Variants in TAS1R1 observed in about 807,000 individuals in gnomAD.
The protein encoded by TAS1R1 is taste receptor type 1 member 1.
In TAS1R1, 31 loss-of-function variants were observed where a neutral mutation model predicts 45.8. The ratio of observed to expected loss-of-function variants is 0.68; its 90% CI spans 0.51 to 0.91. The LOEUF (loss-of-function observed/expected upper bound fraction) is 0.91, where lower values mean the gene tolerates loss of function less well. Among genes scored for constraint, TAS1R1 ranks in the 40% least tolerant of loss-of-function variants. TAS1R1 has a pLI of 0.00. For missense variants in TAS1R1, 1,051 were observed against 1,063.9 expected (o/e 0.99, Z 0.17); for synonymous variants, 437 against 448.4 (o/e 0.97, Z 0.32).
chr1:6,559,196 A>G (rs1639738847), intron 1 of TAS1R1, among the ~76,000 whole-genome samples: 1 of 151,022 alleles, frequency 6.6e-6, no homozygotes, highest in Non-Finnish European at 1.5e-5. Context: ...CCCGGCCCCA[A>G]TTTTTGTACT....
In TAS1R1 at chr1:6,576,421, G is replaced by A. The variant is rs1318568074; in HGVS notation, c.1267G>A (p.Glu423Lys). 2 of 1,614,160 alleles carry A rather than the reference G, an allele frequency of 1.2e-6. No homozygotes were observed. Among genetic ancestry groups the A allele is most frequent in the Admixed American group, 3.3e-5 (2 of 60,014 alleles). Residue 423 changes from glutamate to lysine, a missense_variant, in exon 4 of 6, where the codon GAG (glutamate) becomes AAG (lysine). Physicochemically the swap from Glu to Lys is moderately conservative, Grantham distance 56 (BLOSUM62 1). Transcript: ENST00000333172. ...RGRVYPWQLL[E>K]QIHKVHFLLH... ...TGATACGCGTTTCTTTCAGCTTTTG[G>A]AGCAGATCCACAAGGTGCATTTCCT...
chr1:6,558,869 C>T (rs1639731460), intron 1 of TAS1R1, among the ~76,000 whole-genome samples: 1 of 151,802 alleles, frequency 6.6e-6, no homozygotes, highest in Non-Finnish European at 1.5e-5. Flanking sequence ...CAGACATGTG[C>T]CAGCATGCCC....
At chr1:6,571,343 T>C (rs922815906) in intron 2 of TAS1R1, 128 bp downstream of exon 2, 19 of 1,000,270 alleles carry the variant, frequency 1.9e-5, no homozygotes, top group Non-Finnish European at 2.7e-5. Flanking sequence ...CACTGCTCTT[T>C]AGTCACAAGT....
At chr1:6,565,853 A>C (rs1639864432) in intron 1 of TAS1R1, among the ~76,000 whole-genome samples, 2 of 152,150 alleles carry the variant, frequency 1.3e-5, no homozygotes, top group Admixed American at 1.3e-4. Context: ...CCATATTCTG[A>C]AGAAGCCTGC....
At chr1:6,557,886 G>A (rs1356068639) in intron 1 of TAS1R1, among the ~76,000 whole-genome samples, 3 of 152,150 alleles carry the variant, frequency 2.0e-5, no homozygotes, top group East Asian at 1.9e-4. Flanking sequence ...CTCTTTAAAC[G>A]GGGCTGAATC....
intron 1 of TAS1R1, among the ~76,000 whole-genome samples, chr1:6,568,208 G>A (rs1346807562): frequency 6.6e-6 from 1 of 152,040 alleles, no homozygotes; most frequent in Admixed American, 6.5e-5. Context: ...CCAACACTTT[G>A]GGAGGCTGAG....
At chr1:6,571,649 A>G (rs1367853748) in intron 2 of TAS1R1, among the ~76,000 whole-genome samples, 5 of 152,086 alleles carry the variant, frequency 3.3e-5, no homozygotes. Context: ...GCGAAACCCC[A>G]TCTCTACTAA....
chr1:6,578,104 C>G (rs1640233467), intron 5 of TAS1R1, among the ~76,000 whole-genome samples: 1 of 152,184 alleles, frequency 6.6e-6, no homozygotes, highest in Non-Finnish European at 1.5e-5. Flanking sequence ...ATTCCCCATC[C>G]AGAAATGCAA....
intron 1 of TAS1R1, among the ~76,000 whole-genome samples, chr1:6,561,053 C>T (rs1395189424): frequency 2.7e-5 from 4 of 149,034 alleles, no homozygotes; most frequent in African/African-American, 9.9e-5. Flanking sequence ...GATGGTTGTT[C>T]TTGAAGTAGC....
In TAS1R1 at chr1:6,579,106, T is replaced by C. The variant is rs371931674; in HGVS notation, c.2048T>C (p.Val683Ala). 53 of 1,613,984 alleles carry C rather than the reference T, an allele frequency of 3.3e-5. No individual in the cohort carries two copies. The highest frequency in any genetic ancestry group is 4.2e-5 in the Non-Finnish European group (49 of 1,180,044). The change falls in exon 6 of 6, where the codon GTG (valine) becomes GCG (alanine). Residue 683 changes from valine to alanine, a missense_variant. By Grantham distance (64) the Val-to-Ala change is moderately conservative (BLOSUM62 0). Transcript: ENST00000333172. ...CAAAACCACGGTGCTGGCCTGTTTG[T>C]GATGATCAGCTCAGCGGCCCAGCTG... ...WVQNHGAGLF[V>A]MISSAAQLLI...
chr1:6,576,047 C>G (rs1020729844), intron 3 of TAS1R1, among the ~76,000 whole-genome samples: 1 of 151,898 alleles, frequency 6.6e-6, no homozygotes, highest in Non-Finnish European at 1.5e-5. Context: ...CCAGGCTGGT[C>G]TCGAACTCCT....
rs181112607 is a variant in TAS1R1 at position 6,573,188 on chromosome 1, G to C, written c.499-1443G>C. Among the ~76,000 whole-genome samples, 105 of 148,268 alleles carry C rather than the reference G, an allele frequency of 7.1e-4. 2 individuals are homozygous for C. The East Asian group carries it at 0.017, about 23-fold the overall frequency. ...AAGTCCCGGCCGGGCACCGGGCGCGGGGGCTCACGCCTGTAATCCCAGCAC... is the reference window on the plus strand; with the variant it reads ...AAGTCCCGGCCGGGCACCGGGCGCGCGGGCTCACGCCTGTAATCCCAGCAC... On this transcript the variant is annotated intron_variant, in intron 2 of 5. Coordinates refer to ENST00000333172, the MANE Select transcript of TAS1R1 (RefSeq NM_138697.4).
rs766346311 is a variant in TAS1R1 at position 6,575,092 on chromosome 1, G to A, written c.960G>A (p.Met320Ile). ...TGCCCGGGATCCAGCGCATTGGGAT[G>A]GTGCTGGGCGTGGCCATCCAGAAGA... Reference protein sequence around the residue: ...TGVPGIQRIGMVLGVAIQKRA... With the variant: ...TGVPGIQRIGIVLGVAIQKRA... Residue 320 changes from methionine to isoleucine, a missense_variant, in exon 3 of 6, where the codon ATG (methionine) becomes ATA (isoleucine). Physicochemically the swap from Met to Ile is conservative, Grantham distance 10. Transcript: ENST00000333172. 5.7e-6 allele frequency: 9 copies of A among 1,587,812 alleles called. No homozygotes were observed. The highest frequency in any genetic ancestry group is 7.7e-6 in the Non-Finnish European group (9 of 1,166,562).
Position 6,579,279 on chromosome 1 carries a change from AG to A in TAS1R1, c.2222del (p.Ser741MetfsTer53). ...CCTCTACAATGGCCTCCTCTCCATC[AG>A]TGCCTTTGCCTGCAGCTACCTGGGT... ...AFLYNGLLSI[S>X]AFACSYLGKD... On this transcript the variant is annotated frameshift_variant, in exon 6 of 6. Transcript: ENST00000333172. LOFTEE classifies it low-confidence loss of function (END_TRUNC). 6.2e-7 allele frequency: 1 copy of A among 1,614,210 alleles called. No homozygotes were observed. Among genetic ancestry groups the A allele is most frequent in the South Asian group, 1.1e-5 (1 of 91,080 alleles).
intron 1 of TAS1R1, among the ~76,000 whole-genome samples, chr1:6,558,048 G>GTT (rs1553185614): frequency 4.3e-5 from 2 of 46,182 alleles, no homozygotes; most frequent in East Asian, 5.5e-4. Context: ...TTTTGTTTTT[G>GTT]TTTTTGTTTT....
At position 6,555,402 on chromosome 1, in the gene TAS1R1, G is replaced by A; in HGVS notation, c.29G>A (p.Gly10Asp). Residue 10 changes from glycine (G) to aspartate (D), a missense_variant, in exon 1 of 6, where the codon GGC (glycine) becomes GAC (aspartate). Gly to Asp is a moderately conservative substitution (Grantham distance 94). Transcript: ENST00000333172. MLLCTARLV[G>D]LQLLISCCWA... ...CTGCTCTGCACGGCTCGCCTGGTCG[G>A]CCTGCAGCTTCTCATTTCCTGCTGC... 6.2e-7 allele frequency: 1 copy of A among 1,603,720 alleles called. No homozygotes were observed. Among genetic ancestry groups the A allele is most frequent in the East Asian group, 2.3e-5 (1 of 44,388 alleles).
chr1:6,555,348 A>T lies in TAS1R1; in HGVS notation c.-26A>T. 1 of 1,547,682 alleles carries T rather than the reference A, an allele frequency of 6.5e-7. No homozygotes were observed. Among genetic ancestry groups the T allele is most frequent in the Non-Finnish European group, 8.7e-7 (1 of 1,143,686 alleles). On this transcript the variant is annotated 5_prime_UTR_variant, in exon 1 of 6. The change abolishes an upstream ATG in the 5' untranslated region. Transcript: ENST00000333172. ...CCTCCTTAGAGGCCACTCCTTGGCC[A>T]TGCCAGGCGCGGGCATCTGGCCAGC...
chr1:6,568,283 A>G (rs574532468), intron 1 of TAS1R1, among the ~76,000 whole-genome samples: 4 of 151,988 alleles, frequency 2.6e-5, no homozygotes, highest in African/African-American at 9.7e-5. Context: ...CCCCATCTCT[A>G]CTAAAAAAAA....
chr1:6,571,165 A>G lies in TAS1R1; in HGVS notation c.448A>G (p.Asn150Asp), dbSNP rs1366360250. 3 of 1,601,404 alleles carry G rather than the reference A, an allele frequency of 1.9e-6. No homozygotes were observed. The highest frequency in any genetic ancestry group is 8.5e-7 in the Non-Finnish European group (1 of 1,172,598). Residue 150 changes from asparagine (N) to aspartate (D), a missense_variant, in exon 2 of 6, where the codon AAC becomes GAC. Physicochemically the swap from Asn to Asp is conservative, Grantham distance 23. Coordinates refer to ENST00000333172, the MANE Select transcript of TAS1R1 (RefSeq NM_138697.4). ...GGCAGTGATTGGGCCTGACAGCACC[A>G]ACCGTGCTGCCACCACAGCCGCCCT... The part of the protein sequence containing the change: ...VLAVIGPDST[N>D]RAATTAALLS...
Sources: allele counts gnomAD v4.1 joint callset (sites outside exome capture counted in the v4.1 genomes callset), GRCh38; gene constraint gnomAD v4.1.1; transcripts MANE v1.5; gene names NCBI Gene and HGNC (gene_info 2026-07-23, HGNC 2026-07-21).